Variants in VRK2 observed in about 807,000 individuals in gnomAD.
VRK2 encodes VRK serine/threonine kinase 2.
In VRK2, 60 loss-of-function variants were observed where a neutral mutation model predicts 57.6. The observed-to-expected ratio is 1.04, with a 90% CI of 0.85 to 1.29. The LOEUF (loss-of-function observed/expected upper bound fraction) is 1.29. VRK2 is among the 50% of genes most tolerant of loss of function. The pLI is 0.00. For missense variants in VRK2, 705 were observed against 588.1 expected (o/e 1.20, Z -2.06); for synonymous variants, 231 against 199.2 (o/e 1.16, Z -1.35).
chr2:57,909,847 CTGAACAGTTTCATT>C (rs901444781), intron 1 of VRK2, among the ~76,000 whole-genome samples: 4 of 152,040 alleles, frequency 2.6e-5, no homozygotes, highest in African/African-American at 4.8e-5. Context: ...TATTGACCTG[CTGAACAGTTTCATT>C]TGAACCTCTA....
At chr2:58,148,751 A>G (rs188296369) in intron 12 of VRK2, among the ~76,000 whole-genome samples, 1 of 151,842 alleles carries the variant, frequency 6.6e-6, no homozygotes, top group East Asian at 1.9e-4. Flanking sequence ...TTGCACCATC[A>G]TTTATTGAAA....
At chr2:57,982,761 T>C (rs72808490) in intron 1 of VRK2, among the ~76,000 whole-genome samples, 18,756 of 152,142 alleles carry the variant, frequency 0.12, 1,234 homozygotes, top group East Asian at 0.19. Context: ...ACTATCCAGG[T>C]CTGGCAGCCA....
chr2:58,116,422 C>A (rs1187675150), intron 7 of VRK2, among the ~76,000 whole-genome samples: 1 of 151,460 alleles, frequency 6.6e-6, no homozygotes, highest in African/African-American at 2.4e-5. Flanking sequence ...GTGGGGATAA[C>A]TAAAAAAGAG....
At chr2:58,136,836 CATATATATTATATCAT>C (rs1680121748) in intron 10 of VRK2, among the ~76,000 whole-genome samples, 1 of 134,526 alleles carries the variant, frequency 7.4e-6, no homozygotes, top group African/African-American at 3.0e-5. Flanking sequence ...GTATATATAT[CATATATATTATATCAT>C]ATATATGTGT....
chr2:58,073,598 C>T (rs1669645797), intron 2 of VRK2, among the ~76,000 whole-genome samples: 1 of 149,326 alleles, frequency 6.7e-6, no homozygotes, highest in Non-Finnish European at 1.5e-5. Context: ...TCTAAGTCTG[C>T]TGTATTAGGC....
intron 7 of VRK2, 53 bp downstream of exon 7, chr2:58,089,776 C>A: frequency 1.5e-6 from 2 of 1,296,726 alleles, no homozygotes; most frequent in South Asian, 1.3e-5. Flanking sequence ...GAAACTGAAA[C>A]ATTCAGAAAA....
chr2:57,909,362 G>A (rs1669917395), intron 1 of VRK2, among the ~76,000 whole-genome samples: 3 of 152,140 alleles, frequency 2.0e-5, no homozygotes. Context: ...CAGGGTCATA[G>A]CATCACTATG....
At chr2:58,019,805 AG>A (rs146929783) in intron 1 of VRK2, among the ~76,000 whole-genome samples, 10,442 of 152,234 alleles carry the variant, frequency 0.069, 1,201 homozygotes, top group African/African-American at 0.24. Flanking sequence ...AGTATTGATT[AG>A]ATTACACAAA....
At chr2:58,142,594 T>C (rs1681509054) in intron 11 of VRK2, among the ~76,000 whole-genome samples, 1 of 151,820 alleles carries the variant, frequency 6.6e-6, no homozygotes, top group Admixed American at 6.6e-5. Flanking sequence ...GAAGACTGTC[T>C]CATCAAGACC....
intron 1 of VRK2, among the ~76,000 whole-genome samples, chr2:57,917,357 G>A (rs544908630): frequency 2.2e-4 from 33 of 151,608 alleles, no homozygotes; most frequent in Middle Eastern, 3.2e-3. Flanking sequence ...AGGAGGTCAG[G>A]CTATAAATTC....
intron 7 of VRK2, among the ~76,000 whole-genome samples, chr2:58,106,766 A>G (rs1159647575): frequency 6.6e-6 from 1 of 152,098 alleles, no homozygotes; most frequent in Non-Finnish European, 1.5e-5. Context: ...ACTGCTTTTT[A>G]CAGCTCACTA....
At chr2:58,001,729 G>T (rs1673095283) in intron 1 of VRK2, among the ~76,000 whole-genome samples, 1 of 152,102 alleles carries the variant, frequency 6.6e-6, no homozygotes, top group South Asian at 2.1e-4. Context: ...GGCTGAGGCA[G>T]GAGAATCGCT....
intron 1 of VRK2, among the ~76,000 whole-genome samples, chr2:57,938,769 GTA>G: frequency 6.6e-6 from 1 of 152,206 alleles, no homozygotes; most frequent in Admixed American, 6.5e-5. Flanking sequence ...GATGAGAGAT[GTA>G]TGCATATAAA....
intron 7 of VRK2, among the ~76,000 whole-genome samples, chr2:58,107,002 T>G (rs776066669): frequency 2.6e-5 from 4 of 152,026 alleles, no homozygotes; most frequent in Non-Finnish European, 4.4e-5. Flanking sequence ...AAACACAAAT[T>G]TGCATCAAAA....
intron 1 of VRK2, among the ~76,000 whole-genome samples, chr2:57,989,101 G>A (rs1000992421): frequency 6.6e-6 from 1 of 152,012 alleles, no homozygotes; most frequent in Admixed American, 6.6e-5. Context: ...AATTTGCATG[G>A]ATCCAATTCC....
chr2:57,940,987 C>T (rs760727925), intron 1 of VRK2, among the ~76,000 whole-genome samples: 1 of 151,952 alleles, frequency 6.6e-6, no homozygotes, highest in Non-Finnish European at 1.5e-5. Flanking sequence ...ACAAGAATGC[C>T]ATCTGGATCT....
chr2:58,136,957 GTATATATATCATATAT>G (rs1558685302), intron 10 of VRK2, among the ~76,000 whole-genome samples: 8 of 127,860 alleles, frequency 6.3e-5, no homozygotes, highest in African/African-American at 2.5e-4. Flanking sequence ...TCATATATGT[GTATATATATCATATAT>G]TATATATCAT....
chr2:58,154,716 C>T (rs939851429), intron 12 of VRK2: 1 of 716,790 alleles, frequency 1.4e-6, no homozygotes, highest in African/African-American at 1.8e-5. Context: ...TTCTTTCCTT[C>T]ATCTTGATCT....
At chr2:58,046,124 C>T (rs910732008), upstream of VRK2, among the ~76,000 whole-genome samples, 3 of 152,156 alleles carry the variant, frequency 2.0e-5, no homozygotes, top group South Asian at 2.1e-4. Context: ...GGAGTACAGG[C>T]GTGAGCCACC....
Sources: gnomAD v4.1 joint callset for allele counts (sites outside exome capture counted in the v4.1 genomes callset) on GRCh38, gnomAD v4.1.1 for gene constraint, MANE v1.5 for transcripts, NCBI Gene and HGNC (gene_info 2026-07-23, HGNC 2026-07-21) for gene names.